The following PDE8B variants were observed in gnomAD, a reference collection of about 807,000 sequenced individuals.
PDE8B encodes high affinity cAMP-specific and IBMX-insensitive 3',5'-cyclic phosphodiesterase 8B.
Under a neutral mutation model 101.3 loss-of-function variants are expected in PDE8B, and 26 were observed. The ratio of observed to expected loss-of-function variants is 0.26; its 90% CI spans 0.19 to 0.36. The LOEUF (loss-of-function observed/expected upper bound fraction) is 0.36. Among genes scored for constraint, PDE8B ranks in the 10% least tolerant of loss-of-function variants. The probability of loss-of-function intolerance (pLI) is 1.00; values close to 1 mark genes in which losing one functional copy is unlikely to be tolerated. For synonymous variants in PDE8B, 424 were observed against 429.3 expected (o/e 0.99, Z 0.15); for missense variants, 810 against 1,163.1 (o/e 0.70, Z 4.42).
intron 20 of PDE8B, among the ~76,000 whole-genome samples, chr5:77,422,449 A>C (rs373651385): frequency 5.3e-5 from 8 of 152,342 alleles, no homozygotes; most frequent in African/African-American, 1.9e-4. Context: ...AGTTTATGTT[A>C]AGTGCTACAG....
chr5:77,205,068 TC>T, the PDE8B span, among the ~76,000 whole-genome samples: 1 of 152,310 alleles, frequency 6.6e-6, no homozygotes, highest in South Asian at 2.1e-4. Flanking sequence ...GCAGGGCTAA[TC>T]CAGCCCCTCC....
intron 10 of PDE8B, among the ~76,000 whole-genome samples, chr5:77,379,004 T>G (rs1786922988): frequency 1.3e-5 from 2 of 152,114 alleles, no homozygotes; most frequent in South Asian, 4.2e-4. Flanking sequence ...GATAAAACAT[T>G]TAAGCCTGAA....
At chr5:77,398,548 C>T (rs1232056718) in intron 10 of PDE8B, among the ~76,000 whole-genome samples, 1 of 152,132 alleles carries the variant, frequency 6.6e-6, no homozygotes, top group Non-Finnish European at 1.5e-5. Flanking sequence ...TCTTGAACTC[C>T]TGACCTGAAG....
At chr5:77,410,955 A>C (rs1426012517) in intron 14 of PDE8B, 1 of 152,354 alleles carries the variant, frequency 6.6e-6, no homozygotes, top group Non-Finnish European at 1.5e-5. Flanking sequence ...CTTTTAAGCA[A>C]AGATCTAGAT....
chr5:77,317,708 G>A (rs899776740), intron 2 of PDE8B, among the ~76,000 whole-genome samples: 6 of 152,092 alleles, frequency 3.9e-5, no homozygotes, highest in Non-Finnish European at 8.8e-5. Flanking sequence ...CCTGGAACAC[G>A]TTTACTTCCC....
Position 77,291,369 on chromosome 5 carries a change from G to A in PDE8B, c.340-20625G>A. The stretch of plus-strand genomic sequence containing the variant: ...AGCAAAGAAAGAAGGTAGCACAGTG[G>A]TCTATGGGGGCAAGGTTATGGATCG... On this transcript the variant is annotated intron_variant, in intron 1 of 21. Transcript: ENST00000264917. 3 of 1,612,004 alleles carry A rather than the reference G, an allele frequency of 1.9e-6. No homozygotes were observed. In the Admixed American group the frequency reaches 5.0e-5, roughly 27 times the overall value.
intron 2 of PDE8B, among the ~76,000 whole-genome samples, chr5:77,312,747 C>CT (rs1772944265): frequency 6.6e-6 from 1 of 152,240 alleles, no homozygotes; most frequent in African/African-American, 2.4e-5. Context: ...ATGCCTAGAA[C>CT]TTTCTCTGGC....
the PDE8B span, chr5:77,148,351 A>C: frequency 2.0e-4 from 30 of 152,306 alleles, no homozygotes; most frequent in African/African-American, 7.2e-4. Flanking sequence ...ATTCATGTAC[A>C]GTTTTGTGTG....
intron 17 of PDE8B, among the ~76,000 whole-genome samples, chr5:77,417,653 C>T (rs1399934507): frequency 2.6e-5 from 4 of 152,148 alleles, no homozygotes; most frequent in African/African-American, 9.7e-5. Flanking sequence ...CCTTTGCTGC[C>T]TGCTAGCCCA....
chr5:77,377,827 C>T (rs1353288545), intron 10 of PDE8B, among the ~76,000 whole-genome samples: 1 of 152,140 alleles, frequency 6.6e-6, no homozygotes, highest in African/African-American at 2.4e-5. Flanking sequence ...CGTTCATCAT[C>T]TCCTTCCCCT....
At chr5:77,424,826 G>GT (rs36120983) in intron 20 of PDE8B, among the ~76,000 whole-genome samples, 31,706 of 147,074 alleles carry the variant, frequency 0.22, 3,474 homozygotes, top group African/African-American at 0.23. Flanking sequence ...TTTGTTTTTT[G>GT]TTTTTTGTTT....
At chr5:77,323,823 G>A (rs1382285634) in intron 2 of PDE8B, among the ~76,000 whole-genome samples, 1 of 152,078 alleles carries the variant, frequency 6.6e-6, no homozygotes, top group South Asian at 2.1e-4. Flanking sequence ...GCCAGGCATG[G>A]TGGCGGGCGC....
the PDE8B span, among the ~76,000 whole-genome samples, chr5:77,107,847 C>T: frequency 5.3e-5 from 8 of 152,074 alleles, no homozygotes; most frequent in Admixed American, 2.6e-4. Flanking sequence ...ATATTTGTAT[C>T]AATTATCCTT....
intron 12 of PDE8B, among the ~76,000 whole-genome samples, chr5:77,407,044 TG>T (rs1435541036): frequency 6.6e-6 from 1 of 152,170 alleles, no homozygotes; most frequent in Non-Finnish European, 1.5e-5. Flanking sequence ...AAGTTGGGTT[TG>T]GGTGACTTGG....
chr5:77,089,813 A>G, the PDE8B span, among the ~76,000 whole-genome samples: 1 of 152,258 alleles, frequency 6.6e-6, no homozygotes, highest in Non-Finnish European at 1.5e-5. Context: ...TCCAAAGGAA[A>G]GGAAATCAGT....
intron 10 of PDE8B, among the ~76,000 whole-genome samples, chr5:77,399,687 TAAC>T (rs1388955069): frequency 6.6e-6 from 1 of 152,140 alleles, no homozygotes; most frequent in Non-Finnish European, 1.5e-5. Context: ...ACAAAACCAT[TAAC>T]AACAAAAAAA....
intron 1 of PDE8B, among the ~76,000 whole-genome samples, chr5:77,254,914 G>A (rs1758797671): frequency 6.6e-6 from 1 of 152,104 alleles, no homozygotes; most frequent in Non-Finnish European, 1.5e-5. Context: ...GGAACCTTTT[G>A]GGGAGACAGG....
intron 10 of PDE8B, among the ~76,000 whole-genome samples, chr5:77,373,630 C>T (rs1785489668): frequency 6.6e-6 from 1 of 152,112 alleles, no homozygotes; most frequent in African/African-American, 2.4e-5. Flanking sequence ...ACTAAGCATA[C>T]TAATTCTGAG....
chr5:77,271,074 A>G (rs960253534), intron 1 of PDE8B, among the ~76,000 whole-genome samples: 1 of 152,222 alleles, frequency 6.6e-6, no homozygotes, highest in Non-Finnish European at 1.5e-5. Flanking sequence ...ACTGCATCGC[A>G]GTGGCTAGGC....
Sources: allele counts gnomAD v4.1 joint callset (sites outside exome capture counted in the v4.1 genomes callset), GRCh38; gene constraint gnomAD v4.1.1; transcripts MANE v1.5; gene names NCBI Gene and HGNC (gene_info 2026-07-23, HGNC 2026-07-21).